The following ELOA variants were observed in gnomAD, a reference collection of about 807,000 sequenced individuals.
ELOA encodes the protein elongin A, also known as elongin-A.
ELOA carries 15 observed loss-of-function variants against 85.2 expected under a neutral mutation model. That is an observed-to-expected ratio of 0.18 (90% CI 0.12 to 0.27). The LOEUF (loss-of-function observed/expected upper bound fraction) is 0.27, where lower values mean the gene tolerates loss of function less well. ELOA is among the 10% of genes least tolerant of loss of function. The pLI is 1.00. For missense variants in ELOA, 769 were observed against 952.7 expected (o/e 0.81, Z 2.54); for synonymous variants, 348 against 357.2 (o/e 0.97, Z 0.29).
At chr1:23,748,653 G>A (rs1001856412) in intron 1 of ELOA, among the ~76,000 whole-genome samples, 1 of 152,028 alleles carries the variant, frequency 6.6e-6, no homozygotes, top group Non-Finnish European at 1.5e-5. Flanking sequence ...CCCTAAAATT[G>A]GTACCTTTCT....
At chr1:23,750,376 C>T (rs1644764426) in intron 3 of ELOA, among the ~76,000 whole-genome samples, 2 of 151,790 alleles carry the variant, frequency 1.3e-5, no homozygotes, top group African/African-American at 2.4e-5. Flanking sequence ...AGGGTTTCGC[C>T]GTATTAGCCA....
At chr1:23,746,422 A>G (rs982719707) in intron 1 of ELOA, among the ~76,000 whole-genome samples, 4 of 151,678 alleles carry the variant, frequency 2.6e-5, no homozygotes, top group African/African-American at 7.3e-5. Flanking sequence ...AGCCTGGCCA[A>G]CATGATGAAA....
intron 4 of ELOA, 145 bp downstream of exon 4, chr1:23,752,175 C>T: frequency 2.2e-6 from 2 of 901,640 alleles, no homozygotes; most frequent in Middle Eastern, 3.1e-4. Flanking sequence ...CTGGGCTTCA[C>T]TGGTTGTCAG....
In ELOA at chr1:23,751,840, G is replaced by T; in HGVS notation, c.1235G>T (p.Ser412Ile). ...QPTMSFESYL[S>I]YDQPRKKKKK... ...ACCATGTCTTTTGAATCCTACCTCA[G>T]CTATGACCAGCCCCGGAAGAAAAAG... Residue 412 changes from serine (S) to isoleucine (I), a missense_variant, in exon 4 of 11, where the codon AGC becomes ATC. This residue lies in a region of ELOA where 193 missense variants were observed against 278.9 expected (regional missense o/e 0.69). Coordinates refer to ENST00000613537, the MANE Select transcript of ELOA (RefSeq NM_003198.3). 6.2e-7 allele frequency: 1 copy of T among 1,614,086 alleles called. No homozygotes were observed. Among genetic ancestry groups the T allele is most frequent in the Non-Finnish European group, 8.5e-7 (1 of 1,180,034 alleles).
intron 5 of ELOA, among the ~76,000 whole-genome samples, chr1:23,752,973 C>T (rs1644779190): frequency 1.3e-5 from 2 of 151,772 alleles, no homozygotes; most frequent in Middle Eastern, 3.4e-3. Flanking sequence ...CCACCCTGGT[C>T]AACACAGCAA....
At chr1:23,759,297 G>A (rs1259448115) in intron 10 of ELOA, among the ~76,000 whole-genome samples, 2 of 152,390 alleles carry the variant, frequency 1.3e-5, no homozygotes, top group South Asian at 2.1e-4. Flanking sequence ...GGTGGTTAGA[G>A]AGAGTGGTGG....
At chr1:23,753,249 TG>T (rs1285637055) in intron 5 of ELOA, among the ~76,000 whole-genome samples, 1 of 152,258 alleles carries the variant, frequency 6.6e-6, no homozygotes, top group African/African-American at 2.4e-5. Context: ...ATCCCAACTC[TG>T]GTTTCTGCAA....
rs960966947 is a variant in ELOA, at chr1:23,757,247, T to A, written c.2257+122T>A. On this transcript the variant is annotated intron_variant, in intron 10 of 10. Transcript: ENST00000613537. Reference sequence around the variant, plus strand: ...TTGCATGTACATGATGCCTTGCACATAGCTGGTCTGAATGTCAGTCCCTCC... The same window carrying A: ...TTGCATGTACATGATGCCTTGCACAAAGCTGGTCTGAATGTCAGTCCCTCC... 10 of 1,097,708 alleles carry A rather than the reference T, an allele frequency of 9.1e-6. No homozygotes were observed. The East Asian group carries it at 2.9e-4, about 32-fold the overall frequency. The allele number at this position is 1,097,708 out of a possible 1,614,324, so 68.0% of individuals were successfully genotyped here. A position where few individuals can be genotyped will look rare whatever the true frequency, so the allele number is the denominator to read the frequency against.
intron 8 of ELOA, 69 bp from the exon 9 acceptor site, chr1:23,756,205 C>T (rs529970761): frequency 6.1e-6 from 9 of 1,472,428 alleles, no homozygotes; most frequent in African/African-American, 2.8e-5. Flanking sequence ...TCAAAAAGCC[C>T]GTGGATTATT....
At chr1:23,750,053 C>T in intron 3 of ELOA, 105 bp downstream of exon 3, 1 of 830,634 alleles carries the variant, frequency 1.2e-6, no homozygotes, top group Non-Finnish European at 1.8e-6. Flanking sequence ...TGTTTTGCCT[C>T]AATTATAAAA....
In ELOA at chr1:23,752,366, T is replaced by G. The variant is rs778550332; in HGVS notation, c.1426-41T>G. 7.7e-6 allele frequency: 12 copies of G among 1,565,824 alleles called. No individual in the cohort carries two copies. In the South Asian group the frequency reaches 1.1e-4, roughly 15 times the overall value. On this transcript the variant is annotated intron_variant, in intron 4 of 10. Transcript: ENST00000613537. Reference sequence around the variant, plus strand: ...AGACTGTAGGAAAGAGAGCTGTGCTTCTACTCACTGACTCTCCACCCATGG... The same window carrying G: ...AGACTGTAGGAAAGAGAGCTGTGCTGCTACTCACTGACTCTCCACCCATGG...
chr1:23,758,554 TG>T (rs1638247761), intron 10 of ELOA, among the ~76,000 whole-genome samples: 1 of 149,710 alleles, frequency 6.7e-6, no homozygotes, highest in East Asian at 1.9e-4. Context: ...ATTACCAGCG[TG>T]AACCACCATG....
chr1:23,757,260 TG>T, intron 10 of ELOA, 135 bp downstream of exon 10: 1 of 937,930 alleles, frequency 1.1e-6, no homozygotes, highest in Non-Finnish European at 1.5e-6. Flanking sequence ...CTGGTCTGAA[TG>T]TCAGTCCCTC....
At chr1:23,752,122 G>T in intron 4 of ELOA, 92 bp downstream of exon 4, 1 of 1,283,550 alleles carries the variant, frequency 7.8e-7, no homozygotes, top group African/African-American at 1.5e-5. Flanking sequence ...TCCTTAGCTT[G>T]CTTTTGGGGG....
chr1:23,743,650 G>A, intron 1 of ELOA, 72 bp downstream of exon 1: 1 of 1,381,470 alleles, frequency 7.2e-7, no homozygotes, highest in East Asian at 3.1e-5. Context: ...CGCGGCCCGA[G>A]CGTGGCGGGG....
intron 9 of ELOA, 96 bp downstream of exon 9, chr1:23,756,481 A>G: frequency 9.2e-7 from 1 of 1,082,228 alleles, no homozygotes; most frequent in South Asian, 1.4e-5. Context: ...AAAGTGAGGC[A>G]GTGCAGACTG....
At chr1:23,757,382 G>A (rs1644798986) in intron 10 of ELOA, among the ~76,000 whole-genome samples, 1 of 152,112 alleles carries the variant, frequency 6.6e-6, no homozygotes, top group Non-Finnish European at 1.5e-5. Context: ...GAGGCAGGAG[G>A]ATCCCTTGAA....
rs776317943 is a variant in ELOA at position 23,751,616 on chromosome 1, A to C, written c.1011A>C (p.Lys337Asn). Residue 337 changes from lysine to asparagine, a missense_variant, in exon 4 of 11, where the codon AAA becomes AAC. This residue lies in a region of ELOA where 440 missense variants were observed against 474.0 expected (regional missense o/e 0.93). Coordinates refer to ENST00000613537, the MANE Select transcript of ELOA (RefSeq NM_003198.3). ...KPKHRDPEKA[K>N]LDKSKQGLDS... is the part of the protein sequence containing the mutation. ...AGCACAGAGACCCAGAGAAAGCCAAATTGGACAAAAGCAAGCAAGGTCTGG... is the reference window on the plus strand; with the variant it reads ...AGCACAGAGACCCAGAGAAAGCCAACTTGGACAAAAGCAAGCAAGGTCTGG... 48 of 1,614,134 alleles carry C rather than the reference A, an allele frequency of 3.0e-5. No homozygotes were observed. Among genetic ancestry groups the C allele is most frequent in the Non-Finnish European group, 4.1e-5 (48 of 1,180,066 alleles).
chr1:23,749,475 A>G lies in ELOA; in HGVS notation c.133-367A>G, dbSNP rs114831707. On this transcript the variant is annotated intron_variant, in intron 2 of 10. Transcript: ENST00000613537. ...TAAAAGAACATTGACTTTGGCATCA[A>G]TTAGTCCCAGATTCAAATCTGAGTT... Among the ~76,000 whole-genome samples the G allele has an allele frequency of 9.0e-3, 1,375 of 152,354 alleles. 16 individuals carry two copies. The highest frequency in any genetic ancestry group is 0.031 in the Middle Eastern group (9 of 294).
Sources: gnomAD v4.1 joint callset for allele counts (sites outside exome capture counted in the v4.1 genomes callset) on GRCh38, gnomAD v4.1.1 for gene constraint, gnomAD v4.1.1 regional missense constraint, MANE v1.5 for transcripts, NCBI Gene and HGNC (gene_info 2026-07-23, HGNC 2026-07-21) for gene names.